DNAJC1: variants seen among roughly 807,000 people sequenced by gnomAD.
DNAJC1 encodes the protein DnaJ heat shock protein family (Hsp40) member C1.
A neutral mutation model predicts 76.6 loss-of-function variants in DNAJC1; 58 were observed. The ratio of observed to expected loss-of-function variants is 0.76; its 90% CI spans 0.61 to 0.94. DNAJC1 has a LOEUF of 0.94. Ranked by LOEUF, DNAJC1 falls within the 40% of genes least tolerant of loss-of-function variation. The probability of loss-of-function intolerance (pLI) is 0.00; values close to 1 mark genes in which losing one functional copy is unlikely to be tolerated. For synonymous variants in DNAJC1, 258 were observed against 267.9 expected, an observed-to-expected ratio of 0.96 and a Z score of 0.36; for missense variants, 689 against 677.3, an observed-to-expected ratio of 1.02 and a Z score of -0.19.
In DNAJC1 at chr10:21,769,552, T is replaced by C. The variant is rs533950401; in HGVS notation, c.1099-3243A>G. Among the ~76,000 whole-genome samples the C allele has an allele frequency of 4.6e-5, 7 of 152,372 alleles. No individual in the cohort carries two copies. In the South Asian group the frequency reaches 1.5e-3, roughly 32 times the overall value. ...TTTTAAATCCAAATCTTTCATTTTA[T>C]AGAAGAAGAAACAAGCCAAGTGCTC... On this transcript the variant is annotated intron_variant, in intron 9 of 11. Transcript: ENST00000376980.
At chr10:21,808,236 T>C (rs1225075814) in intron 8 of DNAJC1, among the ~76,000 whole-genome samples, 1 of 152,272 alleles carries the variant, frequency 6.6e-6, no homozygotes, top group East Asian at 1.9e-4. Context: ...TAAATCATTG[T>C]TTCAGGTAGT....
At chr10:21,810,415 A>G (rs1012963817) in intron 8 of DNAJC1, among the ~76,000 whole-genome samples, 5 of 152,136 alleles carry the variant, frequency 3.3e-5, no homozygotes, top group Non-Finnish European at 5.9e-5. Flanking sequence ...TATTGAACAT[A>G]ATATAAAGGA....
intron 7 of DNAJC1, among the ~76,000 whole-genome samples, chr10:21,901,726 C>A (rs16921947): frequency 0.062 from 9,421 of 152,124 alleles, 693 homozygotes; most frequent in African/African-American, 0.17. Context: ...CAGATGAGGG[C>A]AGATTAGCAA....
At chr10:21,801,544 AT>A (rs1834813350) in intron 9 of DNAJC1, among the ~76,000 whole-genome samples, 1 of 152,222 alleles carries the variant, frequency 6.6e-6, no homozygotes, top group African/African-American at 2.4e-5. Context: ...AGGAGTGTAA[AT>A]TAGTTCAACC....
rs1429652064 is a variant in DNAJC1, at chr10:21,956,703, A to G, written c.223-27562T>C. The stretch of plus-strand genomic sequence containing the variant: ...TGCCTGGATCATTACAAAATCTAAC[A>G]TATCTCCCAGCTTCAGACCCTACCT... On this transcript the variant is annotated intron_variant, in intron 1 of 11. Coordinates refer to ENST00000376980, the MANE Select transcript of DNAJC1 (RefSeq NM_022365.4). Among the ~76,000 whole-genome samples, 4 of 151,546 alleles carry G rather than the reference A, an allele frequency of 2.6e-5. No individual in the cohort carries two copies. The South Asian group carries it at 6.2e-4, about 24-fold the overall frequency.
chr10:21,783,068 A>C (rs929299740), intron 9 of DNAJC1, among the ~76,000 whole-genome samples: 1 of 152,198 alleles, frequency 6.6e-6, no homozygotes, highest in African/African-American at 2.4e-5. Flanking sequence ...AGGCAGGAGA[A>C]AGAAATAAAG....
chr10:21,916,171 G>C (rs752087029), intron 6 of DNAJC1, among the ~76,000 whole-genome samples: 1 of 152,090 alleles, frequency 6.6e-6, no homozygotes, highest in Non-Finnish European at 1.5e-5. Flanking sequence ...AAGAGTACAA[G>C]AAACTTCAAT....
At chr10:21,915,389 C>T (rs1407678492) in intron 6 of DNAJC1, among the ~76,000 whole-genome samples, 3 of 152,160 alleles carry the variant, frequency 2.0e-5, no homozygotes, top group African/African-American at 4.8e-5. Context: ...AGAAATTAAA[C>T]TGAAGAACTA....
At chr10:21,905,492 C>A (rs914947092) in intron 6 of DNAJC1, among the ~76,000 whole-genome samples, 29 of 152,266 alleles carry the variant, frequency 1.9e-4, no homozygotes, top group African/African-American at 7.0e-4. Context: ...TATTGTACTT[C>A]CCTGGCATTA....
At chr10:21,837,386 G>T (rs991222029) in intron 8 of DNAJC1, among the ~76,000 whole-genome samples, 1 of 151,954 alleles carries the variant, frequency 6.6e-6, no homozygotes, top group Non-Finnish European at 1.5e-5. Context: ...TCTGGGATGT[G>T]AGGAGCCCCT....
chr10:21,900,082 C>A (rs1163993073), intron 7 of DNAJC1, among the ~76,000 whole-genome samples: 3 of 152,268 alleles, frequency 2.0e-5, no homozygotes, highest in African/African-American at 7.2e-5. Flanking sequence ...GCAGCTCACA[C>A]CTGTAATCCC....
chr10:21,929,844 T>C (rs2807983), intron 1 of DNAJC1, among the ~76,000 whole-genome samples: 99,920 of 152,072 alleles, frequency 0.66, 33,244 homozygotes, highest in East Asian at 0.96. Flanking sequence ...GTTACCGTGG[T>C]TCAGTACTTA....
chr10:21,931,040 T>A (rs1191722225), intron 1 of DNAJC1, among the ~76,000 whole-genome samples: 2 of 152,212 alleles, frequency 1.3e-5, no homozygotes, highest in Non-Finnish European at 2.9e-5. Flanking sequence ...AGTCTTACCA[T>A]TCTGATCCCC....
At position 21,967,261 on chromosome 10, in the gene DNAJC1, T is replaced by C. The variant is rs369051877; in HGVS notation, c.222+35952A>G. ...TTGATTTACTTTCTGTGTCTTTAGT[T>C]TTACCTTTTCTAGAAATTTCATACA... On this transcript the variant is annotated intron_variant, in intron 1 of 11. Transcript: ENST00000376980. Among the ~76,000 whole-genome samples the C allele has an allele frequency of 5.9e-5, 9 of 152,314 alleles. No homozygotes were observed. The South Asian group carries it at 1.9e-3, about 32-fold the overall frequency.
At chr10:21,856,739 A>G (rs1370495074) in intron 8 of DNAJC1, among the ~76,000 whole-genome samples, 1 of 152,034 alleles carries the variant, frequency 6.6e-6, no homozygotes, top group Non-Finnish European at 1.5e-5. Flanking sequence ...ATAGAAAAAA[A>G]AATTTTTTTT....
chr10:21,861,643 C>T (rs1363547885), intron 8 of DNAJC1, among the ~76,000 whole-genome samples: 2 of 151,986 alleles, frequency 1.3e-5, no homozygotes, highest in African/African-American at 2.4e-5. Flanking sequence ...GCAGTAAAGC[C>T]GCCGGCCAAA....
chr10:21,871,939 T>G (rs928541380), intron 8 of DNAJC1, among the ~76,000 whole-genome samples: 6 of 151,564 alleles, frequency 4.0e-5, no homozygotes, highest in Non-Finnish European at 8.8e-5. Flanking sequence ...CCAGCCAAAA[T>G]GTGCAATTTT....
chr10:21,961,244 A>G (rs1837785912), intron 1 of DNAJC1, among the ~76,000 whole-genome samples: 1 of 152,192 alleles, frequency 6.6e-6, no homozygotes, highest in African/African-American at 2.4e-5. Flanking sequence ...AAAGAACTGA[A>G]GGCATAAACT....
chr10:21,807,414 T>C (rs1194191727), intron 8 of DNAJC1, among the ~76,000 whole-genome samples: 1 of 152,184 alleles, frequency 6.6e-6, no homozygotes, highest in Non-Finnish European at 1.5e-5. Flanking sequence ...GGGCCCTTCC[T>C]GACTTTTTAC....
Sources: gnomAD v4.1 joint callset for allele counts (sites outside exome capture counted in the v4.1 genomes callset) on GRCh38, gnomAD v4.1.1 for gene constraint, MANE v1.5 for transcripts, NCBI Gene and HGNC (gene_info 2026-07-23, HGNC 2026-07-21) for gene names.